The following CHST9 variants were observed in gnomAD, a reference collection of about 807,000 sequenced individuals.
CHST9 encodes the protein carbohydrate sulfotransferase 9.
Under a neutral mutation model 44.4 loss-of-function variants are expected in CHST9, and 41 were observed. The ratio of observed to expected loss-of-function variants is 0.92; its 90% confidence interval spans 0.72 to 1.20. CHST9 has a LOEUF of 1.20. Among genes scored for constraint, CHST9 ranks in the 50% most tolerant of loss-of-function variants. The pLI, the probability that CHST9 is intolerant of heterozygous loss-of-function variation, is 0.00. For synonymous variants in CHST9, 171 were observed against 178.4 expected (o/e 0.96, Z 0.33); for missense variants, 504 against 516.5 (o/e 0.98, Z 0.23).
At position 27,024,139 on chromosome 18, in the gene CHST9, T is replaced by C. The variant is rs763155134; in HGVS notation, c.179A>G (p.Tyr60Cys). 6.2e-7 allele frequency: 1 copy of C among 1,612,384 alleles called. No individual in the cohort carries two copies. The highest frequency in any genetic ancestry group is 8.5e-7 in the Non-Finnish European group (1 of 1,179,250). ...ACTGATTCTGGGTACAGGCCGCAAG[T>C]ACTTCACTGGTCCCCATCCTGAAAA... Reference protein sequence around the residue: ...KVTSGWGPVKYLRPVPRIMST... With the variant: ...KVTSGWGPVKCLRPVPRIMST... The change falls in exon 4 of 6, where the codon TAC becomes TGC. Residue 60 changes from tyrosine to cysteine, a missense_variant. Physicochemically the swap from Tyr to Cys is radical, Grantham distance 194. Transcript: ENST00000618847.
rs572582002 is a variant in CHST9 at position 27,123,032 on chromosome 18, A to C, written c.121+19657T>G. Among the ~76,000 whole-genome samples the C allele has an allele frequency of 2.6e-5, 4 of 152,312 alleles. No homozygotes were observed. In the South Asian group the frequency reaches 8.3e-4, roughly 32 times the overall value. ...CTAAATGGGTGTTCTTGTGGTGCCA[A>C]TTAATGACTTATTTCCCTCTCTGAA... is the stretch of plus-strand genomic sequence containing the variant. On this transcript the variant is annotated intron_variant, in intron 2 of 5. Transcript: ENST00000618847.
intron 4 of CHST9, among the ~76,000 whole-genome samples, chr18:27,003,853 C>T (rs1166619268): frequency 6.6e-6 from 1 of 151,830 alleles, no homozygotes; most frequent in East Asian, 1.9e-4. Context: ...TGATTGTTTC[C>T]TATAAAAGAC....
chr18:26,955,878 C>T (rs558855183), intron 4 of CHST9, among the ~76,000 whole-genome samples: 32 of 152,164 alleles, frequency 2.1e-4, no homozygotes, highest in African/African-American at 5.5e-4. Flanking sequence ...ACTGAGGTCA[C>T]GCAGTCAGTT....
At chr18:27,131,842 C>A (rs531985195) in intron 2 of CHST9, among the ~76,000 whole-genome samples, 1 of 152,170 alleles carries the variant, frequency 6.6e-6, no homozygotes, top group Non-Finnish European at 1.5e-5. Context: ...TTCCTTTCTG[C>A]GAATCCAAAT....
intron 4 of CHST9, among the ~76,000 whole-genome samples, chr18:27,018,089 T>C (rs1568134985): frequency 6.6e-6 from 1 of 152,184 alleles, no homozygotes; most frequent in Non-Finnish European, 1.5e-5. Flanking sequence ...TGCCACACTA[T>C]GCCAGCAAGG....
chr18:26,960,278 G>A (rs1204586590), intron 4 of CHST9, among the ~76,000 whole-genome samples: 1 of 152,102 alleles, frequency 6.6e-6, no homozygotes, highest in African/African-American at 2.4e-5. Context: ...TTGGAAAATG[G>A]TTGTATTTTA....
At chr18:27,058,725 A>AC (rs1270925644) in intron 2 of CHST9, among the ~76,000 whole-genome samples, 11 of 152,208 alleles carry the variant, frequency 7.2e-5, no homozygotes, top group African/African-American at 2.6e-4. Flanking sequence ...TCAAGAAACC[A>AC]TTTTAGAAGG....
intron 2 of CHST9, among the ~76,000 whole-genome samples, chr18:27,091,232 T>C (rs907452332): frequency 6.6e-6 from 1 of 152,204 alleles, no homozygotes; most frequent in Non-Finnish European, 1.5e-5. Flanking sequence ...TCACTCATGA[T>C]TTGGCTCTCT....
intron 4 of CHST9, among the ~76,000 whole-genome samples, chr18:27,014,731 T>C (rs1378028840): frequency 6.6e-6 from 1 of 152,102 alleles, no homozygotes; most frequent in Non-Finnish European, 1.5e-5. Flanking sequence ...ATTTTCTGTG[T>C]ACACATTCCC....
At chr18:27,114,863 G>A (rs2058306440) in intron 2 of CHST9, among the ~76,000 whole-genome samples, 2 of 152,098 alleles carry the variant, frequency 1.3e-5, no homozygotes, top group South Asian at 4.1e-4. Context: ...GGATACGTGG[G>A]TACTGATGTG....
chr18:27,167,517 T>C (rs1323583412), intron 1 of CHST9, among the ~76,000 whole-genome samples: 1 of 152,226 alleles, frequency 6.6e-6, no homozygotes, highest in Non-Finnish European at 1.5e-5. Flanking sequence ...GGAGTTACTC[T>C]AGCATACTCT....
At chr18:27,045,988 C>T (rs1434412574) in intron 3 of CHST9, among the ~76,000 whole-genome samples, 1 of 151,970 alleles carries the variant, frequency 6.6e-6, no homozygotes, top group Admixed American at 6.6e-5. Context: ...GAAATGAAAG[C>T]CACTTAAGTT....
At chr18:26,976,419 A>G (rs562497118) in intron 4 of CHST9, among the ~76,000 whole-genome samples, 5 of 152,244 alleles carry the variant, frequency 3.3e-5, no homozygotes, top group African/African-American at 1.2e-4. Flanking sequence ...CCCAGGCCAC[A>G]TAACTGGTAA....
intron 5 of CHST9, among the ~76,000 whole-genome samples, chr18:26,923,313 T>G (rs2055698191): frequency 6.6e-6 from 1 of 152,250 alleles, no homozygotes; most frequent in South Asian, 2.1e-4. Flanking sequence ...TATTGTGTTT[T>G]ATTTTATTCT....
intron 2 of CHST9, among the ~76,000 whole-genome samples, chr18:27,073,089 G>T (rs1313263875): frequency 6.6e-6 from 1 of 152,130 alleles, no homozygotes; most frequent in African/African-American, 2.4e-5. Context: ...CCTCTAATTG[G>T]CAATGGGAAT....
chr18:27,124,580 C>T (rs549450183), intron 2 of CHST9, among the ~76,000 whole-genome samples: 6 of 152,316 alleles, frequency 3.9e-5, no homozygotes, highest in Admixed American at 3.9e-4. Flanking sequence ...ATTTTTCCAT[C>T]AATTCTTGAT....
At chr18:27,025,129 TTATATAA>T (rs1392044167) in intron 3 of CHST9, among the ~76,000 whole-genome samples, 1 of 148,100 alleles carries the variant, frequency 6.8e-6, no homozygotes, top group Admixed American at 6.8e-5. Flanking sequence ...ACCATATATT[TTATATAA>T]TATATAACTA....
intron 2 of CHST9, among the ~76,000 whole-genome samples, chr18:27,113,170 C>A (rs1450384184): frequency 7.1e-6 from 1 of 141,252 alleles, no homozygotes; most frequent in African/African-American, 2.7e-5. Context: ...GCCTGGGTGA[C>A]AGAGCTAGAC....
rs577231336 is a variant in CHST9, at chr18:27,132,641, C to G, written c.121+10048G>C. 9.2e-5 allele frequency among the ~76,000 whole-genome samples: 14 copies of G among 152,314 alleles called. No individual in the cohort carries two copies. In the South Asian group the frequency reaches 2.7e-3, roughly 29 times the overall value. On this transcript the variant is annotated intron_variant, in intron 2 of 5. Coordinates refer to ENST00000618847, the MANE Select transcript of CHST9 (RefSeq NM_031422.6). ...AATTAAAAACAGTGAAGAAGGATTG[C>G]TCTGCGCCATCCTCTGCTTTACCCT...
Sources: allele counts gnomAD v4.1 joint callset (sites outside exome capture counted in the v4.1 genomes callset), GRCh38; gene constraint gnomAD v4.1.1; transcripts MANE v1.5; gene names NCBI Gene and HGNC (gene_info 2026-07-23, HGNC 2026-07-21).